Variants in LPAR1 observed in about 807,000 individuals in gnomAD.
LPAR1 encodes the protein LPA receptor 1.
A neutral mutation model predicts 23.8 loss-of-function variants in LPAR1; 5 were observed. That is an observed-to-expected ratio of 0.21 (90% confidence interval 0.11 to 0.44). LPAR1 has a LOEUF of 0.44. Ranked by LOEUF, LPAR1 falls within the 20% of genes least tolerant of loss-of-function variation. LPAR1 has a pLI of 0.99. For missense variants in LPAR1, 311 were observed against 482.8 expected, an observed-to-expected ratio of 0.64 and a Z score of 3.33; for synonymous variants, 160 against 164.7, an observed-to-expected ratio of 0.97 and a Z score of 0.22.
chr9:110,897,966 T>A (rs2087047256), intron 5 of LPAR1, among the ~76,000 whole-genome samples: 2 of 152,078 alleles, frequency 1.3e-5, no homozygotes, highest in South Asian at 4.1e-4. Flanking sequence ...AGGAAGAAAA[T>A]ATTTAATAGC....
At chr9:110,979,321 GA>G (rs1406744118) in intron 2 of LPAR1, among the ~76,000 whole-genome samples, 1 of 150,862 alleles carries the variant, frequency 6.6e-6, no homozygotes, top group East Asian at 1.9e-4. Context: ...AAGTAAAGAA[GA>G]CTAGAACAGT....
intron 5 of LPAR1, among the ~76,000 whole-genome samples, chr9:110,904,313 A>G (rs192163945): frequency 6.6e-6 from 1 of 152,290 alleles, no homozygotes; most frequent in Non-Finnish European, 1.5e-5. Flanking sequence ...TTATAACACC[A>G]TCTGATACTC....
chr9:110,890,223 T>C (rs957180030), intron 5 of LPAR1, among the ~76,000 whole-genome samples: 1 of 152,148 alleles, frequency 6.6e-6, no homozygotes, highest in Admixed American at 6.5e-5. Flanking sequence ...AAACAAACTA[T>C]GACAATTGAT....
chr9:111,002,982 A>C (rs963381969), intron 2 of LPAR1, among the ~76,000 whole-genome samples: 3 of 152,088 alleles, frequency 2.0e-5, no homozygotes, highest in African/African-American at 7.2e-5. Flanking sequence ...CTACAAAAAA[A>C]ATAAATAAAT....
rs2095086722 is a variant in LPAR1, at chr9:110,941,320, G to A, written c.793+101C>T. The A allele has an allele frequency of 3.8e-6, 4 of 1,062,898 alleles. No individual in the cohort carries two copies. Among genetic ancestry groups the A allele is most frequent in the Non-Finnish European group, 5.4e-6 (4 of 734,138 alleles). The allele number at this position is 1,062,898 out of a possible 1,614,324, so 65.8% of individuals were successfully genotyped here. ...CCTTGTAATTCCTGGTGAATTACCT[G>A]GTGAATATTCATACTGTTGGTTACC... On this transcript the variant is annotated intron_variant, in intron 5 of 5. Transcript: ENST00000683809. The surrounding 1 kb of genome is among the most constrained non-coding windows in gnomAD (Gnocchi z 6.1).
intron 5 of LPAR1, among the ~76,000 whole-genome samples, chr9:110,915,165 C>T (rs929199495): frequency 7.2e-5 from 11 of 152,098 alleles, no homozygotes; most frequent in Admixed American, 6.5e-4. Flanking sequence ...TATCTTCTTT[C>T]ATTTTAAAAA....
At chr9:110,884,726 T>C (rs1564362068) in intron 5 of LPAR1, among the ~76,000 whole-genome samples, 1 of 152,198 alleles carries the variant, frequency 6.6e-6, no homozygotes, top group Non-Finnish European at 1.5e-5. Flanking sequence ...TGGCCCTTGA[T>C]TGGCAATTTT....
intron 5 of LPAR1, among the ~76,000 whole-genome samples, chr9:110,907,499 C>T (rs549103012): frequency 2.4e-4 from 36 of 152,260 alleles, no homozygotes; most frequent in African/African-American, 6.5e-4. Context: ...GACTGACCCC[C>T]GACTTTTCTG....
chr9:110,929,063 T>C (rs562077994), intron 5 of LPAR1, among the ~76,000 whole-genome samples: 1 of 152,344 alleles, frequency 6.6e-6, no homozygotes, highest in Non-Finnish European at 1.5e-5. Context: ...GCAGAATAAA[T>C]AAGTGAAGCC....
intron 5 of LPAR1, among the ~76,000 whole-genome samples, chr9:110,890,243 T>C (rs1402977258): frequency 6.6e-6 from 1 of 152,168 alleles, no homozygotes; most frequent in Non-Finnish European, 1.5e-5. Flanking sequence ...TGTAATAGTT[T>C]GATAATCTGA....
At position 110,966,255 on chromosome 9, in the gene LPAR1, C is replaced by A. The variant is rs113108296; in HGVS notation, c.45+5818G>T. ...CAGCACTTTGGCAGGCCAAGGTGGG[C>A]GGATCACTAAGTCAGGAGTTCAAGA... On this transcript the variant is annotated intron_variant, in intron 4 of 5. Coordinates refer to ENST00000683809, the MANE Select transcript of LPAR1 (RefSeq NM_001351411.2). Among the ~76,000 whole-genome samples, 29 of 152,054 alleles carry A rather than the reference C, an allele frequency of 1.9e-4. No homozygotes were observed. In the East Asian group the frequency reaches 4.1e-3, roughly 21 times the overall value.
chr9:110,957,348 AAAAAT>A (rs1272898997), intron 4 of LPAR1, among the ~76,000 whole-genome samples: 1 of 143,412 alleles, frequency 7.0e-6, no homozygotes, highest in East Asian at 2.7e-4. Context: ...TCAAAAAAAA[AAAAAT>A]AATAATAATA....
chr9:110,924,105 C>T (rs780414911), intron 5 of LPAR1, among the ~76,000 whole-genome samples: 2 of 151,746 alleles, frequency 1.3e-5, no homozygotes, highest in Non-Finnish European at 2.9e-5. Context: ...ATGAATGTGA[C>T]AAAAGACTCC....
intron 4 of LPAR1, among the ~76,000 whole-genome samples, chr9:110,950,309 A>G (rs1402712504): frequency 2.0e-5 from 3 of 152,000 alleles, no homozygotes; most frequent in Non-Finnish European, 4.4e-5. Flanking sequence ...TAATAAAAAT[A>G]CGAAATTTAG....
intron 5 of LPAR1, among the ~76,000 whole-genome samples, chr9:110,887,054 C>T (rs2082606331): frequency 6.6e-6 from 1 of 152,050 alleles, no homozygotes; most frequent in African/African-American, 2.4e-5. Flanking sequence ...TTTTTAACTA[C>T]AAATTAAGAT....
intron 2 of LPAR1, among the ~76,000 whole-genome samples, chr9:111,027,735 T>A (rs1711584815): frequency 6.6e-6 from 1 of 151,608 alleles, no homozygotes; most frequent in South Asian, 2.1e-4. Context: ...GGCATGTGGA[T>A]ACCTAGGAAA....
chr9:111,015,991 C>T (rs943969179), intron 2 of LPAR1, among the ~76,000 whole-genome samples: 5 of 151,846 alleles, frequency 3.3e-5, no homozygotes, highest in Non-Finnish European at 5.9e-5. Context: ...CTTGTTAAGC[C>T]CCAGCACTTT....
At chr9:110,917,690 C>A in intron 5 of LPAR1, among the ~76,000 whole-genome samples, 1 of 152,140 alleles carries the variant, frequency 6.6e-6, no homozygotes, top group East Asian at 1.9e-4. Flanking sequence ...TCTCTTTGGA[C>A]TCAGTACTTA....
intron 2 of LPAR1, among the ~76,000 whole-genome samples, chr9:111,016,718 T>C (rs1420960557): frequency 6.6e-6 from 1 of 152,238 alleles, no homozygotes; most frequent in African/African-American, 2.4e-5. Flanking sequence ...TTGCATGAAG[T>C]AATATTCATA....
Sources: gnomAD v4.1 joint callset for allele counts (sites outside exome capture counted in the v4.1 genomes callset) on GRCh38, gnomAD v4.1.1 for gene constraint, Gnocchi (gnomAD v3.1) non-coding constraint, MANE v1.5 for transcripts, NCBI Gene and HGNC (gene_info 2026-07-23, HGNC 2026-07-21) for gene names.